Variants in SH2D5 observed in about 807,000 individuals in gnomAD.
The protein encoded by SH2D5 is SH2 domain containing 5, also known as SH2 domain-containing protein 5.
In SH2D5, 45 loss-of-function variants were observed where a neutral mutation model predicts 48.2. The ratio of observed to expected loss-of-function variants is 0.93; its 90% CI spans 0.73 to 1.20. The LOEUF (loss-of-function observed/expected upper bound fraction) is 1.20, where lower values mean the gene tolerates loss of function less well. SH2D5 is among the 50% of genes most tolerant of loss of function. The probability of loss-of-function intolerance (pLI) is 0.00; values close to 1 mark genes in which losing one functional copy is unlikely to be tolerated. For missense variants in SH2D5, 538 were observed against 584.1 expected (o/e 0.92, Z 0.81); for synonymous variants, 230 against 249.8 (o/e 0.92, Z 0.75).
rs609880 is a variant in SH2D5 at position 20,729,398 on chromosome 1, A to T, written c.-42-1312T>A. 6.6e-6 allele frequency among the ~76,000 whole-genome samples: 1 copy of T among 151,942 alleles called. No homozygotes were observed. The highest frequency in any genetic ancestry group is 2.4e-5 in the African/African-American group (1 of 41,362). ...GGGTCCAAATCCTGTGTGACTTTGG[A>T]CCAGCTGCCTCAACCCTCTGAGCCT... On this transcript the variant is annotated intron_variant, in intron 1 of 9. Transcript: ENST00000444387. The surrounding 1 kb of genome is among the most constrained non-coding windows in gnomAD (Gnocchi z 4.2).
At position 20,728,843 on chromosome 1, in the gene SH2D5, G is replaced by A. The variant is rs2054856744; in HGVS notation, c.-42-757C>T. 6.6e-6 allele frequency among the ~76,000 whole-genome samples: 1 copy of A among 152,168 alleles called. No homozygotes were observed. The highest frequency in any genetic ancestry group is 2.4e-5 in the African/African-American group (1 of 41,434). ...GGTGGCTGCAAGCTGGATGGCCAGA[G>A]CTGATGAGGCCAGGGACCTGCTGCA... On this transcript the variant is annotated intron_variant, in intron 1 of 9. Transcript: ENST00000444387. This position sits in a 1 kb window ranked among gnomAD's most constrained non-coding sequence, Gnocchi z 4.3.
intron 9 of SH2D5, 65 bp downstream of exon 9, chr1:20,722,691 G>C (rs1217446743): frequency 1.5e-6 from 2 of 1,378,970 alleles, no homozygotes; most frequent in Non-Finnish European, 1.9e-6. Flanking sequence ...GGGCAGGCAG[G>C]AAGGGCCAGG....
chr1:20,721,587 A>T lies in SH2D5; in HGVS notation c.*205T>A, dbSNP rs2054685371. The stretch of plus-strand genomic sequence containing the variant: ...ACTCCACCTGCCCTCCTGGAATCTC[A>T]GCAGGCCACATGTTCTCCAAGAAGC... On this transcript the variant is annotated 3_prime_UTR_variant, in exon 10 of 10. Coordinates refer to ENST00000444387, the MANE Select transcript of SH2D5 (RefSeq NM_001103161.2). 1 of 501,522 alleles carries T rather than the reference A, an allele frequency of 2.0e-6. No homozygotes were observed. The highest frequency in any genetic ancestry group is 1.9e-5 in the African/African-American group (1 of 51,454). 31.1% of individuals were successfully genotyped at this position (501,522 alleles called of 1,614,324 possible). A position where few individuals can be genotyped will look rare whatever the true frequency, so the allele number is the denominator to read the frequency against.
intron 4 of SH2D5, among the ~76,000 whole-genome samples, chr1:20,726,428 G>A (rs2054800545): frequency 6.6e-6 from 1 of 152,170 alleles, no homozygotes; most frequent in Non-Finnish European, 1.5e-5. Flanking sequence ...CTCTCGATAG[G>A]GCTGTAGGTG....
rs1374922594 is a variant in SH2D5, at chr1:20,719,788, G to A, written c.*2004C>T. ...ACACAGCAAGGAAAGTGGGGCTACC[G>A]AGGTGGCGCAGATTGGAACAAAGAG... is the stretch of plus-strand genomic sequence containing the variant. On this transcript the variant is annotated 3_prime_UTR_variant, in exon 10 of 10. Coordinates refer to ENST00000444387, the MANE Select transcript of SH2D5 (RefSeq NM_001103161.2). 1 of 152,184 alleles carries A rather than the reference G, an allele frequency of 6.6e-6. No individual in the cohort carries two copies. Among genetic ancestry groups the A allele is most frequent in the Admixed American group, 6.5e-5 (1 of 15,280 alleles). The allele number at this position is 152,184 out of a possible 1,614,324, so 9.4% of individuals were successfully genotyped here. A position where few individuals can be genotyped will look rare whatever the true frequency, so the allele number is the denominator to read the frequency against.
rs374145412 is a variant in SH2D5 at position 20,724,626 on chromosome 1, G to C, written c.400C>G (p.Leu134Val). The C allele has an allele frequency of 1.0e-5, 16 of 1,571,974 alleles. No homozygotes were observed. The highest frequency in any genetic ancestry group is 2.7e-5 in the African/African-American group (2 of 74,320). Residue 134 changes from leucine (L) to valine (V), a missense_variant, in exon 6 of 10, where the codon CTG becomes GTG. Transcript: ENST00000444387. Reference sequence around the variant, plus strand: ...AAAGAGCGGCACAGCAGCAGGTGCAGGATCTGGACCTGGGAGGGAGGGAGA... The same window carrying C: ...AAAGAGCGGCACAGCAGCAGGTGCACGATCTGGACCTGGGAGGGAGGGAGA... ...VGSQPGEVQI[L>V]HLLLCRSFQL...
intron 5 of SH2D5, among the ~76,000 whole-genome samples, chr1:20,725,224 T>C (rs2054772043): frequency 6.6e-6 from 1 of 152,240 alleles, no homozygotes; most frequent in African/African-American, 2.4e-5. Flanking sequence ...GTTAGAACCG[T>C]GAGCGTCAGC....
rs1308639794 is a variant in SH2D5, at chr1:20,732,547, GA to G, written c.-410del. 4.6e-5 allele frequency: 7 copies of G among 152,338 alleles called. No homozygotes were observed. Among genetic ancestry groups the G allele is most frequent in the Non-Finnish European group, 1.0e-4 (7 of 68,134 alleles). 9.4% of individuals were successfully genotyped at this position (152,338 alleles called of 1,614,324 possible). A position where few individuals can be genotyped will look rare whatever the true frequency, so the allele number is the denominator to read the frequency against. The stretch of plus-strand genomic sequence containing the variant: ...CCTCTCCTCTTACTCGAGGACAAGT[GA>G]CACTGGACCGGAGTGTCTCCGTTCC... On this transcript the variant is annotated 5_prime_UTR_variant, in exon 1 of 10. Transcript: ENST00000444387. This position sits in a 1 kb window ranked among gnomAD's most constrained non-coding sequence, Gnocchi z 5.1.
In SH2D5 at chr1:20,727,604, C is replaced by A; in HGVS notation, c.88-1G>T. The A allele has an allele frequency of 3.1e-6, 5 of 1,607,436 alleles. No individual in the cohort carries two copies. In the South Asian group the frequency reaches 4.5e-5, roughly 14 times the overall value. On this transcript the variant is annotated splice_acceptor_variant, in intron 2 of 9. Transcript: ENST00000444387. LOFTEE classifies it high-confidence loss of function. ...CATCCACAGGGAAGGAGCCCACGTACTGCTCGGCAGTGGGGTGAAGGGAGT... is the reference window on the plus strand; with the variant it reads ...CATCCACAGGGAAGGAGCCCACGTAATGCTCGGCAGTGGGGTGAAGGGAGT...
intron 5 of SH2D5, among the ~76,000 whole-genome samples, chr1:20,725,608 G>A (rs1200481142): frequency 6.6e-6 from 1 of 152,198 alleles, no homozygotes; most frequent in African/African-American, 2.4e-5. Flanking sequence ...AAGAGTGAGT[G>A]GAATGTGCTA....
chr1:20,723,946 C>T, intron 7 of SH2D5, 137 bp downstream of exon 7: 2 of 1,176,300 alleles, frequency 1.7e-6, no homozygotes, highest in Non-Finnish European at 2.4e-6. Context: ...GGCAAACACA[C>T]ACAGTGCACA....
chr1:20,722,944 G>A (rs1454292412), intron 8 of SH2D5, 29 bp from the exon 9 acceptor site: 11 of 1,514,824 alleles, frequency 7.3e-6, no homozygotes, highest in Middle Eastern at 1.8e-4. Context: ...GAGAGTAAAG[G>A]CTGGACTGCT....
intron 1 of SH2D5, among the ~76,000 whole-genome samples, chr1:20,730,169 A>G (rs2054878594): frequency 1.3e-5 from 2 of 152,112 alleles, no homozygotes; most frequent in Admixed American, 1.3e-4. Context: ...ACACGGAGAA[A>G]AGGAGAGGGA....
At position 20,732,489 on chromosome 1, in the gene SH2D5, G is replaced by A. The variant is rs2054928206; in HGVS notation, c.-351C>T. The A allele has an allele frequency of 6.6e-6, 1 of 152,350 alleles. No homozygotes were observed. Among genetic ancestry groups the A allele is most frequent in the East Asian group, 1.9e-4 (1 of 5,180 alleles). The allele number at this position is 152,350 out of a possible 1,614,324, so 9.4% of individuals were successfully genotyped here. A position where few individuals can be genotyped will look rare whatever the true frequency, so the allele number is the denominator to read the frequency against. ...CACCACTCACGCTTCATTCTCTGCA[G>A]AGCCCTTGTGACTCCGTTGCTCGCC... On this transcript the variant is annotated 5_prime_UTR_variant, in exon 1 of 10. Coordinates refer to ENST00000444387, the MANE Select transcript of SH2D5 (RefSeq NM_001103161.2). This position sits in a 1 kb window ranked among gnomAD's most constrained non-coding sequence, Gnocchi z 5.1.
At position 20,728,413 on chromosome 1, in the gene SH2D5, G is replaced by A. The variant is rs1160643896; in HGVS notation, c.-42-327C>T. On this transcript the variant is annotated intron_variant, in intron 1 of 9. Coordinates refer to ENST00000444387, the MANE Select transcript of SH2D5 (RefSeq NM_001103161.2). The surrounding 1 kb of genome is among the most constrained non-coding windows in gnomAD (Gnocchi z 4.3). ...TGCTGGGAAGCCCTCACTGAGGAGG[G>A]GAGGTCTGGGTCAAGATCTGAAGGG... is the stretch of plus-strand genomic sequence containing the variant. Among the ~76,000 whole-genome samples, 1 of 152,174 alleles carries A rather than the reference G, an allele frequency of 6.6e-6. No homozygotes were observed. Among genetic ancestry groups the A allele is most frequent in the African/African-American group, 2.4e-5 (1 of 41,432 alleles).
chr1:20,724,221 G>A lies in SH2D5; in HGVS notation c.661C>T (p.Arg221Cys), dbSNP rs369171247. 3.0e-5 allele frequency: 49 copies of A among 1,612,696 alleles called. No individual in the cohort carries two copies. Among genetic ancestry groups the A allele is most frequent in the African/African-American group, 2.7e-4 (20 of 74,926 alleles). ...KELPESEGRA[R>C]HARLGNPYCS... ...TAGGGATTCCCCAGGCGGGCATGGC[G>A]GGCACGGCCTTCCGACTCTGGCAGC... The change falls in exon 7 of 10, where the codon CGC becomes TGC. Residue 221 changes from arginine to cysteine, a missense_variant. Coordinates refer to ENST00000444387, the MANE Select transcript of SH2D5 (RefSeq NM_001103161.2).
rs1322176414 is a variant in SH2D5, at chr1:20,728,555, C to T, written c.-42-469G>A. On this transcript the variant is annotated intron_variant, in intron 1 of 9. Transcript: ENST00000444387. This position sits in a 1 kb window ranked among gnomAD's most constrained non-coding sequence, Gnocchi z 4.3. ...CAGGAAGACCTGTAACCAGATTGCA[C>T]AAAGTGCCAGAGGGAAGGGAGGGCC... is the stretch of plus-strand genomic sequence containing the variant. 6.6e-6 allele frequency among the ~76,000 whole-genome samples: 1 copy of T among 152,104 alleles called. No individual in the cohort carries two copies. Among genetic ancestry groups the T allele is most frequent in the Non-Finnish European group, 1.5e-5 (1 of 67,998 alleles).
intron 4 of SH2D5, among the ~76,000 whole-genome samples, chr1:20,726,786 A>G (rs1028658328): frequency 3.9e-5 from 6 of 152,032 alleles, no homozygotes; most frequent in Non-Finnish European, 7.4e-5. Flanking sequence ...CTGGAGGCCC[A>G]GGGGTGGGAA....
intron 1 of SH2D5, chr1:20,731,190 C>A (rs2054901769): frequency 6.6e-6 from 1 of 152,598 alleles, no homozygotes; most frequent in South Asian, 2.1e-4. Context: ...GGCAAGGAAG[C>A]CGCTGGCTGG....
Sources: gnomAD v4.1 joint callset for allele counts (sites outside exome capture counted in the v4.1 genomes callset) on GRCh38, gnomAD v4.1.1 for gene constraint, Gnocchi (gnomAD v3.1) non-coding constraint, MANE v1.5 for transcripts, NCBI Gene and HGNC (gene_info 2026-07-23, HGNC 2026-07-21) for gene names.